The following KIF7 variants were observed in gnomAD, a reference collection of about 807,000 sequenced individuals.
The protein encoded by KIF7 is kinesin family member 7, also known as kinesin-like protein KIF7.
Under a neutral mutation model 135.7 loss-of-function variants are expected in KIF7, and 104 were observed. That is an observed-to-expected ratio of 0.77 (90% CI 0.65 to 0.90). KIF7 has a LOEUF of 0.90. Among genes scored for constraint, KIF7 ranks in the 40% least tolerant of loss-of-function variants. KIF7 has a pLI of 0.00. For synonymous variants in KIF7, 883 were observed against 809.4 expected, an observed-to-expected ratio of 1.09 and a Z score of -1.54; for missense variants, 2,005 against 1,839.1, an observed-to-expected ratio of 1.09 and a Z score of -1.65.
Position 89,631,595 on chromosome 15 carries a change from C to T in KIF7, c.3011G>A (p.Arg1004His), listed in dbSNP as rs776364872. The change falls in exon 15 of 19, where the codon CGC (arginine) becomes CAC (histidine). Residue 1004 changes from arginine to histidine, a missense_variant. Physicochemically the swap from Arg to His is conservative, Grantham distance 29 (BLOSUM62 0). Coordinates refer to ENST00000394412, the MANE Select transcript of KIF7 (RefSeq NM_198525.3). ...QGSAQSQQQI[R>H]GEIDSLRQEK... ...CTGGCGCAGGCTGTCGATCTCCCCGCGGATCTGCTGCTGGCTCTGGGCGCT... is the reference window on the plus strand; with the variant it reads ...CTGGCGCAGGCTGTCGATCTCCCCGTGGATCTGCTGCTGGCTCTGGGCGCT... 3.2e-6 allele frequency: 5 copies of T among 1,562,956 alleles called. No individual in the cohort carries two copies. The highest frequency in any genetic ancestry group is 2.4e-5 in the East Asian group (1 of 41,898).
chr15:89,629,170 C>A, intron 17 of KIF7, 48 bp from the exon 18 acceptor site: 1 of 1,527,926 alleles, frequency 6.5e-7, no homozygotes, highest in South Asian at 1.2e-5. Flanking sequence ...GCAGGCGGGG[C>A]AGGCGGCCAG....
Position 89,629,078 on chromosome 15 carries a change from C to T in KIF7, c.3562G>A (p.Ala1188Thr). The change falls in exon 18 of 19, where the codon GCC becomes ACC. Residue 1188 changes from alanine (A) to threonine (T), a missense_variant. Transcript: ENST00000394412. The stretch of plus-strand genomic sequence containing the variant: ...TCCTTCTCCAGAGCTTGAATCCGGG[C>T]CTCATACTGCCTCCTGCTGTCTGCT... ...GLADSRRQYE[A>T]RIQALEKELG... 6.2e-7 allele frequency: 1 copy of T among 1,613,170 alleles called. No homozygotes were observed. Among genetic ancestry groups the T allele is most frequent in the Non-Finnish European group, 8.5e-7 (1 of 1,179,890 alleles).
At chr15:89,645,240 G>A in intron 9 of KIF7, 75 bp from the exon 10 acceptor site, 3 of 1,600,282 alleles carry the variant, frequency 1.9e-6, no homozygotes, top group South Asian at 1.1e-5. Flanking sequence ...AGCAGGGGCT[G>A]CCAGGGATGG....
downstream of KIF7, chr15:89,624,799 G>A: frequency 6.2e-7 from 1 of 1,614,200 alleles, no homozygotes; most frequent in Non-Finnish European, 8.5e-7. Flanking sequence ...AGCAGATGCT[G>A]AGAAGTCTTC....
intron 1 of KIF7, among the ~76,000 whole-genome samples, chr15:89,653,786 A>AT (rs1555425302): frequency 7.3e-6 from 1 of 136,390 alleles, no homozygotes; most frequent in African/African-American, 2.7e-5. Flanking sequence ...TAGTATTAGT[A>AT]TTTTGTAGAG....
chr15:89,617,783 C>T (rs1016069103), intron 2 of KIF7, among the ~76,000 whole-genome samples: 1 of 151,860 alleles, frequency 6.6e-6, no homozygotes, highest in African/African-American at 2.4e-5. Context: ...CGTCTGCCTC[C>T]CGGGTTCAAG....
At chr15:89,655,953 G>C (rs918744158), upstream of KIF7, among the ~76,000 whole-genome samples, 1 of 152,204 alleles carries the variant, frequency 6.6e-6, no homozygotes, top group Non-Finnish European at 1.5e-5. Context: ...GTCCACGGCA[G>C]CCTCAAAGAG....
In KIF7 at chr15:89,649,198, G is replaced by A. The variant is rs1316915884; in HGVS notation, c.699C>T (p.Ser233=). The A allele has an allele frequency of 8.4e-6, 13 of 1,546,196 alleles. No individual in the cohort carries two copies. The highest frequency in any genetic ancestry group is 7.9e-6 in the Non-Finnish European group (9 of 1,145,876). The change falls in exon 4 of 19, where the codon AGC becomes AGT. Residue 233 remains serine (S), a synonymous_variant. Coordinates refer to ENST00000394412, the MANE Select transcript of KIF7 (RefSeq NM_198525.3). ...GGCCCGGGGCGGGGCGGGGTAGGCG[G>A]CTGGGGGCGCGCCCCCGCTGCTCCA... is the stretch of plus-strand genomic sequence containing the variant. ...VTLEQRGRAP[S]RLPRPAPGQL...
rs778564914 is a variant in KIF7 at position 89,632,873 on chromosome 15, C to A, written c.2842G>T (p.Ala948Ser). The A allele has an allele frequency of 6.2e-7, 1 of 1,610,130 alleles. No homozygotes were observed. Among genetic ancestry groups the A allele is most frequent in the Non-Finnish European group, 8.5e-7 (1 of 1,179,930 alleles). The change falls in exon 14 of 19, where the codon GCC becomes TCC. Residue 948 changes from alanine (A) to serine (S), a missense_variant. Physicochemically the swap from Ala to Ser is moderately conservative, Grantham distance 99 (BLOSUM62 1). Transcript: ENST00000394412. ...AGCCCCGTCTTCTCCTGCATCAGGG[C>A]CTCCTTCTTGGCCAGGATGGCCTCC... ...KREAILAKKE[A>S]LMQEKTGLES...
In KIF7 at chr15:89,629,111, C is replaced by G; in HGVS notation, c.3529G>C (p.Glu1177Gln). 2 of 1,612,556 alleles carry G rather than the reference C, an allele frequency of 1.2e-6. No individual in the cohort carries two copies. The highest frequency in any genetic ancestry group is 1.7e-6 in the Non-Finnish European group (2 of 1,179,860). The change falls in exon 18 of 19, where the codon GAA becomes CAA. Residue 1177 changes from glutamate (E) to glutamine (Q), a missense_variant. Physicochemically the swap from Glu to Gln is conservative, Grantham distance 29. Coordinates refer to ENST00000394412, the MANE Select transcript of KIF7 (RefSeq NM_198525.3). The part of the protein sequence containing the change: ...LLQQSRDHLG[E>Q]GLADSRRQYE... The stretch of plus-strand genomic sequence containing the variant: ...TGCCTCCTGCTGTCTGCTAACCCTT[C>G]ACCGAGGTGGTCTAGAGTGGAAAGG...
Position 89,645,176 on chromosome 15 carries a change from C to A in KIF7, c.2039-11G>T, listed in dbSNP as rs550018289. On this transcript the variant is annotated splice_polypyrimidine_tract_variant and intron_variant, in intron 9 of 18. Coordinates refer to ENST00000394412, the MANE Select transcript of KIF7 (RefSeq NM_198525.3). ...TGCTCCCACCAACTGCTGCAACAGG[C>A]AGCCTGTCAAGGTTGCTGCCCCAAC... 20 of 1,604,676 alleles carry A rather than the reference C, an allele frequency of 1.2e-5. No homozygotes were observed. Among genetic ancestry groups the A allele is most frequent in the South Asian group, 2.2e-5 (2 of 91,078 alleles).
At chr15:89,631,751 C>G (rs1427501623) in intron 14 of KIF7, 41 bp from the exon 15 acceptor site, 1 of 1,511,414 alleles carries the variant, frequency 6.6e-7, no homozygotes, top group South Asian at 1.2e-5. Flanking sequence ...GGAACAGGCA[C>G]TGTCCTCACA....
intron 1 of KIF7, among the ~76,000 whole-genome samples, chr15:89,618,808 A>T (rs1345683372): frequency 2.0e-5 from 3 of 152,168 alleles, no homozygotes; most frequent in African/African-American, 4.8e-5. Flanking sequence ...AAATTTAAAA[A>T]ATCAGCTGGT....
At chr15:89,647,335 C>A (rs899188700) in intron 6 of KIF7, among the ~76,000 whole-genome samples, 1 of 152,138 alleles carries the variant, frequency 6.6e-6, no homozygotes, top group African/African-American at 2.4e-5. Context: ...GCTCCAAGGT[C>A]CCCCGCTGCT....
In KIF7 at chr15:89,635,268, G is replaced by C. The variant is rs181809415; in HGVS notation, c.2395-1385C>G. On this transcript the variant is annotated intron_variant, in intron 11 of 18. Transcript: ENST00000394412. ...AAATGGAAACTCTAAAAAGCGGAGC[G>C]CCTCTCCTCCTTTAAAGGAACGCAG... Among the ~76,000 whole-genome samples the C allele has an allele frequency of 1.2e-3, 190 of 152,302 alleles. 6 individuals are homozygous for C. In the East Asian group the frequency reaches 0.028, roughly 23 times the overall value.
At chr15:89,662,170 CG>C in the KIF7 span, among the ~76,000 whole-genome samples, 1 of 152,112 alleles carries the variant, frequency 6.6e-6, no homozygotes, top group Non-Finnish European at 1.5e-5. Flanking sequence ...TCTCCATGCC[CG>C]GAAGTCCCTT....
downstream of KIF7, chr15:89,627,492 C>G (rs148052073): frequency 5.1e-6 from 1 of 196,760 alleles, no homozygotes; most frequent in Non-Finnish European, 1.0e-5. Context: ...ACACAGGCAG[C>G]GCTTTGTAAA....
At chr15:89,649,670 G>T in intron 3 of KIF7, 71 bp downstream of exon 3, 1 of 1,474,368 alleles carries the variant, frequency 6.8e-7, no homozygotes, top group Non-Finnish European at 9.2e-7. Flanking sequence ...AGACAGGTAA[G>T]CACTCCACTC....
At chr15:89,619,894 G>A in intron 1 of KIF7, 3 of 1,545,840 alleles carry the variant, frequency 1.9e-6, no homozygotes, top group Non-Finnish European at 2.6e-6. Flanking sequence ...TTGGTGAGAA[G>A]TGTTTTTGGG....
Sources: gnomAD v4.1 joint callset for allele counts (sites outside exome capture counted in the v4.1 genomes callset) on GRCh38, gnomAD v4.1.1 for gene constraint, MANE v1.5 for transcripts, NCBI Gene and HGNC (gene_info 2026-07-23, HGNC 2026-07-21) for gene names.